The following GNAL variants were observed in gnomAD, a reference collection of about 807,000 sequenced individuals.
GNAL encodes G protein subunit alpha L, also known as guanine nucleotide-binding protein G(olf) subunit alpha.
In GNAL, 18 loss-of-function variants were observed where a neutral mutation model predicts 55.1. That is an observed-to-expected ratio of 0.33 (90% CI 0.23 to 0.48). GNAL has a LOEUF of 0.48. Among genes scored for constraint, GNAL ranks in the 20% least tolerant of loss-of-function variants. The pLI is 0.99. For missense variants in GNAL, 412 were observed against 614.1 expected (o/e 0.67, Z 3.48); for synonymous variants, 253 against 237.0 (o/e 1.07, Z -0.62).
At chr18:11,694,861 G>A (rs1218559529) in intron 1 of GNAL, among the ~76,000 whole-genome samples, 2 of 152,150 alleles carry the variant, frequency 1.3e-5, no homozygotes, top group African/African-American at 4.8e-5. Context: ...CTCCCTTCCT[G>A]GCTTGCAAAC....
chr18:11,880,860 A>T, intron 11 of GNAL, 129 bp from the exon 12 acceptor site: 1 of 904,256 alleles, frequency 1.1e-6, no homozygotes, highest in Non-Finnish European at 1.7e-6. Context: ...TCCTGCCTCT[A>T]AGTGCTCCCA....
intron 5 of GNAL, among the ~76,000 whole-genome samples, chr18:11,826,659 A>G (rs1425110312): frequency 6.6e-6 from 1 of 152,130 alleles, no homozygotes; most frequent in African/African-American, 2.4e-5. Context: ...TAGCTGGTGG[A>G]CTTAATGAGG....
At chr18:11,846,089 G>A (rs1786569) in intron 5 of GNAL, among the ~76,000 whole-genome samples, 91,247 of 151,790 alleles carry the variant, frequency 0.6, 30,960 homozygotes, top group Admixed American at 0.76. Context: ...GGAAATTGAG[G>A]CCAGAAAAGA....
chr18:11,728,778 G>A (rs768206833), intron 1 of GNAL, among the ~76,000 whole-genome samples: 2 of 152,158 alleles, frequency 1.3e-5, no homozygotes, highest in African/African-American at 4.8e-5. Context: ...GTAAGAAAAT[G>A]TAATATTCCT....
Position 11,881,012 on chromosome 18 carries a change from C to G in GNAL, c.1254C>G (p.Asp418Glu), listed in dbSNP as rs752479000. 6.2e-7 allele frequency: 1 copy of G among 1,614,102 alleles called. No individual in the cohort carries two copies. ...LFLRISTATGDGKHYCYPHFT... is the reference protein window; with the variant it reads ...LFLRISTATGEGKHYCYPHFT... ...AGAGGATCAGCACGGCCACCGGTGA[C>G]GGCAAACATTACTGCTACCCGCACT... is the stretch of plus-strand genomic sequence containing the variant. Residue 418 changes from aspartate to glutamate, a missense_variant, in exon 12 of 12, where the codon GAC becomes GAG. Physicochemically the swap from Asp to Glu is conservative, Grantham distance 45 (BLOSUM62 2). Transcript: ENST00000334049. This position sits in a 1 kb window ranked among gnomAD's most constrained non-coding sequence, Gnocchi z 4.8.
chr18:11,765,773 T>C (rs1238547781), intron 4 of GNAL, among the ~76,000 whole-genome samples: 3 of 152,246 alleles, frequency 2.0e-5, no homozygotes, highest in African/African-American at 7.2e-5. Context: ...TATTCCATTG[T>C]GTATTTGTGT....
intron 4 of GNAL, among the ~76,000 whole-genome samples, chr18:11,771,166 C>T (rs1217700797): frequency 2.0e-5 from 3 of 149,444 alleles, no homozygotes; most frequent in Admixed American, 1.3e-4. Context: ...TACAGTGAGC[C>T]GAAGTCGTGC....
chr18:11,764,409 A>T (rs2033341777), intron 4 of GNAL, among the ~76,000 whole-genome samples: 2 of 152,214 alleles, frequency 1.3e-5, no homozygotes, highest in African/African-American at 4.8e-5. Context: ...GCCTGGCCCA[A>T]ATATCCTGTT....
At chr18:11,862,078 C>CAA (rs2036158423) in intron 5 of GNAL, among the ~76,000 whole-genome samples, 1 of 151,930 alleles carries the variant, frequency 6.6e-6, no homozygotes, top group South Asian at 2.1e-4. Context: ...ACTCGCTTAG[C>CAA]CTTGGACGGG....
intron 1 of GNAL, among the ~76,000 whole-genome samples, chr18:11,747,945 T>C (rs2032728464): frequency 6.6e-6 from 1 of 151,998 alleles, no homozygotes; most frequent in African/African-American, 2.4e-5. Flanking sequence ...GCTGCTGCGG[T>C]TGCCTAGCAA....
chr18:11,774,027 T>C (rs1422480014), intron 4 of GNAL, among the ~76,000 whole-genome samples: 2 of 152,148 alleles, frequency 1.3e-5, no homozygotes, highest in African/African-American at 4.8e-5. Context: ...ATGAAGCTTT[T>C]TGGGGGAATT....
intron 4 of GNAL, among the ~76,000 whole-genome samples, chr18:11,757,772 C>T (rs974621506): frequency 1.3e-5 from 2 of 151,946 alleles, no homozygotes; most frequent in Non-Finnish European, 2.9e-5. Context: ...TGCGTGAGGC[C>T]CCAGGAGGAG....
chr18:11,871,640 C>T (rs1013825831), intron 9 of GNAL, among the ~76,000 whole-genome samples: 1 of 152,172 alleles, frequency 6.6e-6, no homozygotes, highest in African/African-American at 2.4e-5. Flanking sequence ...AGAACCAAGC[C>T]AGCTGCATGT....
In GNAL at chr18:11,833,377, A is replaced by G. The variant is rs1403071933; in HGVS notation, c.722+8362A>G. The G allele has an allele frequency of 3.3e-5, 5 of 152,162 alleles. No individual in the cohort carries two copies. In the South Asian group the frequency reaches 6.2e-4, roughly 19 times the overall value. The allele number at this position is 152,162 out of a possible 1,614,324, so 9.4% of individuals were successfully genotyped here. A position where few individuals can be genotyped will look rare whatever the true frequency, so the allele number is the denominator to read the frequency against. On this transcript the variant is annotated intron_variant, in intron 5 of 11. Transcript: ENST00000334049. ...TGCAAAATTGGAAATGTTCCTGTTT[A>G]TGAGCACTACAATAACATTTACTTT... is the stretch of plus-strand genomic sequence containing the variant.
At chr18:11,793,305 G>C (rs528871900) in intron 4 of GNAL, among the ~76,000 whole-genome samples, 1 of 152,240 alleles carries the variant, frequency 6.6e-6, no homozygotes, top group African/African-American at 2.4e-5. Context: ...CTTGGGTGCA[G>C]TGGCTCATGC....
chr18:11,799,541 T>C (rs922620841), intron 4 of GNAL, among the ~76,000 whole-genome samples: 1 of 152,146 alleles, frequency 6.6e-6, no homozygotes, highest in African/African-American at 2.4e-5. Flanking sequence ...AGCTTGACCA[T>C]GTGTAATCCA....
chr18:11,864,094 T>TC (rs1202589287), intron 6 of GNAL, among the ~76,000 whole-genome samples: 1 of 150,838 alleles, frequency 6.6e-6, no homozygotes, highest in Non-Finnish European at 1.5e-5. Flanking sequence ...TTCTTTTTTT[T>TC]TTTTTTTTTT....
rs1415524998 is a variant in GNAL, at chr18:11,689,563, C to T, written c.-1C>T. On this transcript the variant is annotated 5_prime_UTR_variant, in exon 1 of 12. Transcript: ENST00000334049. Reference sequence around the variant, plus strand: ...CGCCGCCCCCGCTGTGCCGCGCCCACATGGGTCTGTGCTACAGTCTGCGGC... The same window carrying T: ...CGCCGCCCCCGCTGTGCCGCGCCCATATGGGTCTGTGCTACAGTCTGCGGC... 2 of 1,257,744 alleles carry T rather than the reference C, an allele frequency of 1.6e-6. No individual in the cohort carries two copies. Among genetic ancestry groups the T allele is most frequent in the African/African-American group, 3.1e-5 (2 of 63,820 alleles). 77.9% of individuals were successfully genotyped at this position (1,257,744 alleles called of 1,614,324 possible).
intron 5 of GNAL, chr18:11,857,502 G>A (rs1237992817): frequency 1.0e-6 from 1 of 985,482 alleles, no homozygotes; most frequent in Non-Finnish European, 1.2e-6. Context: ...TAAAAGTGTG[G>A]ACTTTACCCC....
Sources: allele counts gnomAD v4.1 joint callset (sites outside exome capture counted in the v4.1 genomes callset), GRCh38; gene constraint gnomAD v4.1.1; non-coding constraint Gnocchi (gnomAD v3.1); transcripts MANE v1.5; gene names NCBI Gene and HGNC (gene_info 2026-07-23, HGNC 2026-07-21).